The following AARS1 variants were observed in gnomAD, a reference collection of about 807,000 sequenced individuals.
The protein encoded by AARS1 is alanine--tRNA ligase, cytoplasmic.
Under a neutral mutation model 108.9 loss-of-function variants are expected in AARS1, and 72 were observed. That is an observed-to-expected ratio of 0.66 (90% confidence interval 0.55 to 0.80). AARS1 has a LOEUF of 0.80. Among genes scored for constraint, AARS1 ranks in the 30% least tolerant of loss-of-function variants. AARS1 has a pLI of 0.00. For synonymous variants in AARS1, 489 were observed against 465.7 expected, an observed-to-expected ratio of 1.05 and a Z score of -0.64; for missense variants, 1,193 against 1,233.2, an observed-to-expected ratio of 0.97 and a Z score of 0.49.
intron 10 of AARS1, chr16:70,265,320 C>A: frequency 1.1e-6 from 1 of 916,814 alleles, no homozygotes; most frequent in Non-Finnish European, 1.7e-6. Context: ...AAGTACGTGA[C>A]AGCAGGATCT....
chr16:70,254,275 G>A (rs893420314), intron 17 of AARS1: 17 of 618,376 alleles, frequency 2.7e-5, no homozygotes, highest in Admixed American at 2.3e-4. Flanking sequence ...ACCAGGCTGG[G>A]AACAGCCTGT....
chr16:70,261,197 A>T, intron 12 of AARS1, 40 bp from the exon 13 acceptor site: 1 of 1,456,674 alleles, frequency 6.9e-7, no homozygotes, highest in Non-Finnish European at 9.6e-7. Context: ...ATAAATCCTT[A>T]AAAACATACA....
intron 14 of AARS1, among the ~76,000 whole-genome samples, chr16:70,258,438 G>C (rs1198593456): frequency 6.6e-6 from 1 of 152,198 alleles, no homozygotes; most frequent in Admixed American, 6.5e-5. Flanking sequence ...TCTCATATGT[G>C]AACAGACTTA....
intron 4 of AARS1, among the ~76,000 whole-genome samples, chr16:70,274,539 C>G (rs1431670894): frequency 6.6e-6 from 1 of 151,686 alleles, no homozygotes; most frequent in East Asian, 2.0e-4. Flanking sequence ...GCCTGGCCAA[C>G]ATGATGAAAC....
chr16:70,265,800 AAATCCAGCAC>A, intron 9 of AARS1, 138 bp from the exon 10 acceptor site: 1 of 826,138 alleles, frequency 1.2e-6, no homozygotes, highest in Non-Finnish European at 1.8e-6. Context: ...GCCCATCAGA[AAATCCAGCAC>A]ATCTTTTTCA....
At chr16:70,285,134 T>C (rs8063749) in intron 1 of AARS1, among the ~76,000 whole-genome samples, 10,861 of 151,474 alleles carry the variant, frequency 0.072, 1,299 homozygotes, top group African/African-American at 0.25. Context: ...AAGGCTGAGA[T>C]GGGAGAATCG....
In AARS1 at chr16:70,261,064, C is replaced by T. The variant is rs1348105992; in HGVS notation, c.1765G>A (p.Val589Ile). 1 of 1,613,690 alleles carries T rather than the reference C, an allele frequency of 6.2e-7. No individual in the cohort carries two copies. The highest frequency in any genetic ancestry group is 1.1e-5 in the South Asian group (1 of 91,066). Residue 589 changes from valine (V) to isoleucine (I), a missense_variant, in exon 13 of 21, where the codon GTC becomes ATC. Val to Ile is a conservative substitution (Grantham distance 29). Transcript: ENST00000261772. Reference protein sequence around the residue: ...IYGDLKVGDQVWLFIDEPRRR... With the variant: ...IYGDLKVGDQIWLFIDEPRRR... ...CTCACCTCATCAATAAACAGCCAGA[C>T]CTGATCCCCCACTTTCAGGTCACCG... is the stretch of plus-strand genomic sequence containing the variant.
intron 5 of AARS1, 120 bp downstream of exon 5, chr16:70,271,661 A>C: frequency 9.8e-7 from 1 of 1,018,040 alleles, no homozygotes; most frequent in Admixed American, 2.0e-5. Context: ...TCCAGAGATC[A>C]GACAGGTAAT....
At chr16:70,272,476 A>T (rs1370072484) in intron 4 of AARS1, among the ~76,000 whole-genome samples, 1 of 126,184 alleles carries the variant, frequency 7.9e-6, no homozygotes, top group African/African-American at 3.1e-5. Flanking sequence ...ATTGCACTCC[A>T]GCCTGGGCAA....
rs531257362 is a variant in AARS1, at chr16:70,258,157, C to T, written c.2053G>A (p.Val685Met). The T allele has an allele frequency of 1.2e-4, 191 of 1,610,828 alleles. 3 individuals carry two copies. The South Asian group carries it at 2.0e-3, about 17-fold the overall frequency. ...GGGTCAGGATAGGTCTCATCAAACACAGCCCGTAGGCCCTGGATGGCTTTC... is the reference window on the plus strand; with the variant it reads ...GGGTCAGGATAGGTCTCATCAAACATAGCCCGTAGGCCCTGGATGGCTTTC... ...AAKAIQGLRA[V>M]FDETYPDPVR... is the part of the protein sequence containing the mutation. Residue 685 changes from valine (V) to methionine (M), a missense_variant, in exon 15 of 21, where the codon GTG becomes ATG. By Grantham distance (21) the Val-to-Met change is conservative (BLOSUM62 1). Coordinates refer to ENST00000261772, the MANE Select transcript of AARS1 (RefSeq NM_001605.3).
chr16:70,269,486 A>T lies in AARS1; in HGVS notation c.962+132T>A, dbSNP rs1010531424. On this transcript the variant is annotated intron_variant, in intron 7 of 20. Transcript: ENST00000261772. ...CAGGCAGAGGTTGCAGTGAGGCAAG[A>T]TCACGCCATTGTACTCCAGCCTGGG... 3.7e-6 allele frequency: 5 copies of T among 1,346,382 alleles called. No individual in the cohort carries two copies. In the African/African-American group the frequency reaches 7.2e-5, roughly 19 times the overall value. 83.4% of individuals were successfully genotyped at this position (1,346,382 alleles called of 1,614,324 possible).
At chr16:70,268,155 G>T (rs1960310521) in intron 8 of AARS1, 116 bp downstream of exon 8, 1 of 985,214 alleles carries the variant, frequency 1.0e-6, no homozygotes, top group Non-Finnish European at 1.6e-6. Context: ...GTGACAGAGT[G>T]AGACTCCGTC....
Position 70,259,078 on chromosome 16 carries a change from C to T in AARS1, c.1894G>A (p.Asp632Asn). The T allele has an allele frequency of 6.2e-7, 1 of 1,614,138 alleles. No homozygotes were observed. Among genetic ancestry groups the T allele is most frequent in the Non-Finnish European group, 8.5e-7 (1 of 1,180,018 alleles). ...GCAGTAAAGTCAAATCTGAGGCGGT[C>T]AGGAGCAACCAATGAGCCTTTCTGG... The part of the protein sequence containing the change: ...ADQKGSLVAP[D>N]RLRFDFTAKG... Residue 632 changes from aspartate to asparagine, a missense_variant, in exon 14 of 21, where the codon GAC becomes AAC. Coordinates refer to ENST00000261772, the MANE Select transcript of AARS1 (RefSeq NM_001605.3).
Position 70,252,488 on chromosome 16 carries a change from G to A in AARS1, c.*233C>T, listed in dbSNP as rs547043196. Reference sequence around the variant, plus strand: ...AGAGCCGTTATCTATAGATGCGAGCGTGACGATCAACAGCAATGCGGGGTT... The same window carrying A: ...AGAGCCGTTATCTATAGATGCGAGCATGACGATCAACAGCAATGCGGGGTT... On this transcript the variant is annotated 3_prime_UTR_variant, in exon 21 of 21. Coordinates refer to ENST00000261772, the MANE Select transcript of AARS1 (RefSeq NM_001605.3). The A allele has an allele frequency of 1.6e-5, 9 of 579,588 alleles. No homozygotes were observed. Among genetic ancestry groups the A allele is most frequent in the East Asian group, 2.9e-5 (1 of 34,002 alleles). The allele number at this position is 579,588 out of a possible 1,614,324, so 35.9% of individuals were successfully genotyped here. A position where few individuals can be genotyped will look rare whatever the true frequency, so the allele number is the denominator to read the frequency against.
At chr16:70,254,405 C>T in intron 17 of AARS1, 1 of 605,244 alleles carries the variant, frequency 1.7e-6, no homozygotes, top group Non-Finnish European at 3.0e-6. Flanking sequence ...TTGGGAAGAG[C>T]TCTCCTGCTA....
intron 7 of AARS1, 109 bp downstream of exon 7, chr16:70,269,508 TG>T: frequency 6.7e-7 from 1 of 1,501,328 alleles, no homozygotes; most frequent in African/African-American, 1.4e-5. Context: ...TACTCCAGCC[TG>T]GGCAACAGAG....
intron 9 of AARS1, among the ~76,000 whole-genome samples, chr16:70,267,280 T>A (rs1004659450): frequency 6.6e-6 from 1 of 152,198 alleles, no homozygotes; most frequent in Non-Finnish European, 1.5e-5. Flanking sequence ...TGCAAAACAG[T>A]ACATACCAAA....
chr16:70,263,672 T>C (rs1597438591), intron 11 of AARS1, among the ~76,000 whole-genome samples: 1 of 152,194 alleles, frequency 6.6e-6, no homozygotes, highest in East Asian at 2.0e-4. Context: ...TCTCACTCTG[T>C]AGCCCAGGCT....
intron 4 of AARS1, 148 bp from the exon 5 acceptor site, chr16:70,272,120 T>G: frequency 1.4e-6 from 1 of 710,220 alleles, no homozygotes. Flanking sequence ...AGCGAGACTC[T>G]GTCTCAAAAA....
Sources: gnomAD v4.1 joint callset for allele counts (sites outside exome capture counted in the v4.1 genomes callset) on GRCh38, gnomAD v4.1.1 for gene constraint, MANE v1.5 for transcripts, NCBI Gene and HGNC (gene_info 2026-07-23, HGNC 2026-07-21) for gene names.